Variants in INPP5A observed in about 807,000 individuals in gnomAD.
The protein encoded by INPP5A is inositol polyphosphate-5-phosphatase A.
In INPP5A, 14 loss-of-function variants were observed where a neutral mutation model predicts 65.2. That is an observed-to-expected ratio of 0.21 (90% confidence interval 0.14 to 0.34). The LOEUF (loss-of-function observed/expected upper bound fraction) is 0.34. Among genes scored for constraint, INPP5A ranks in the 10% least tolerant of loss-of-function variants. The pLI, the probability that INPP5A is intolerant of heterozygous loss-of-function variation, is 1.00. For synonymous variants in INPP5A, 207 were observed against 208.3 expected, an observed-to-expected ratio of 0.99 and a Z score of 0.05; for missense variants, 431 against 545.6, an observed-to-expected ratio of 0.79 and a Z score of 2.09.
intron 8 of INPP5A, among the ~76,000 whole-genome samples, chr10:132,720,557 C>G (rs1241838280): frequency 7.1e-6 from 1 of 141,094 alleles, no homozygotes; most frequent in African/African-American, 2.7e-5. Context: ...CGACTGTCTT[C>G]AGGGTTCTGT....
In INPP5A at chr10:132,678,246, G is replaced by A. The variant is rs562750461; in HGVS notation, c.307-12146G>A. 3.6e-4 allele frequency among the ~76,000 whole-genome samples: 55 copies of A among 152,318 alleles called. 1 individual carries two copies. In the South Asian group the frequency reaches 0.011, roughly 29 times the overall value. The stretch of plus-strand genomic sequence containing the variant: ...GGGGGAAGTGGGCAGTAGTGAGGAC[G>A]CCGCCTTGTCCAGTTGGGTCAGCCG... On this transcript the variant is annotated intron_variant, in intron 4 of 15. Transcript: ENST00000368594. This position sits in a 1 kb window ranked among gnomAD's most constrained non-coding sequence, Gnocchi z 4.1.
chr10:132,552,607 T>C (rs550616907), intron 1 of INPP5A, among the ~76,000 whole-genome samples: 1 of 137,170 alleles, frequency 7.3e-6, no homozygotes, highest in Non-Finnish European at 1.6e-5. Flanking sequence ...CTTGGTGGCA[T>C]ATTGAGTGGG....
intron 1 of INPP5A, among the ~76,000 whole-genome samples, chr10:132,571,895 C>CT (rs1390008980): frequency 6.6e-6 from 1 of 152,204 alleles, no homozygotes; most frequent in Non-Finnish European, 1.5e-5. Flanking sequence ...GGCATCTGAG[C>CT]TTGTTAACGA....
At chr10:132,662,221 C>T (rs1436604975) in intron 4 of INPP5A, among the ~76,000 whole-genome samples, 1 of 152,182 alleles carries the variant, frequency 6.6e-6, no homozygotes, top group Non-Finnish European at 1.5e-5. Flanking sequence ...AAATGTAAAA[C>T]ATGCGAAAAC....
chr10:132,725,982 G>A (rs1013891039), intron 8 of INPP5A, among the ~76,000 whole-genome samples: 2 of 152,074 alleles, frequency 1.3e-5, no homozygotes, highest in African/African-American at 4.8e-5. Context: ...AGGGTTGAGT[G>A]CCTTGCCCTC....
chr10:132,610,268 G>A (rs1445953517), intron 2 of INPP5A, among the ~76,000 whole-genome samples: 1 of 152,176 alleles, frequency 6.6e-6, no homozygotes, highest in Non-Finnish European at 1.5e-5. Flanking sequence ...CTGTCCCCAC[G>A]CTCCAGCCCC....
At chr10:132,681,529 G>A (rs956976685) in intron 4 of INPP5A, among the ~76,000 whole-genome samples, 3 of 152,148 alleles carry the variant, frequency 2.0e-5, no homozygotes, top group African/African-American at 7.2e-5. Flanking sequence ...CACTCACCGC[G>A]AGGGTCCGCG....
intron 6 of INPP5A, among the ~76,000 whole-genome samples, chr10:132,701,028 A>G (rs1305903307): frequency 6.6e-6 from 1 of 152,216 alleles, no homozygotes. Flanking sequence ...GCCGGCTGCA[A>G]GCTCTCATGA....
chr10:132,562,698 C>T (rs114090541), intron 1 of INPP5A, among the ~76,000 whole-genome samples: 2,338 of 152,348 alleles, frequency 0.015, 22 homozygotes, highest in South Asian at 0.025. Context: ...TCAGAGCCCA[C>T]GGCACTGTGA....
At chr10:132,739,311 C>A (rs1159847206) in intron 9 of INPP5A, among the ~76,000 whole-genome samples, 5 of 152,250 alleles carry the variant, frequency 3.3e-5, no homozygotes, top group Non-Finnish European at 4.4e-5. Flanking sequence ...GCCTCCCGGC[C>A]TCACCACACA....
intron 2 of INPP5A, among the ~76,000 whole-genome samples, chr10:132,643,411 G>A (rs187579037): frequency 8.1e-4 from 124 of 152,260 alleles, no homozygotes; most frequent in African/African-American, 2.9e-3. Context: ...TGAGGTGGGA[G>A]ATCACTCGAG....
intron 11 of INPP5A, among the ~76,000 whole-genome samples, chr10:132,760,706 G>T (rs750853048): frequency 3.3e-5 from 5 of 152,170 alleles, no homozygotes; most frequent in Non-Finnish European, 7.3e-5. Context: ...TCCTCATGAC[G>T]CCCGGGCCCC....
intron 1 of INPP5A, among the ~76,000 whole-genome samples, chr10:132,569,558 A>G (rs377233962): frequency 4.1e-4 from 63 of 152,240 alleles, no homozygotes; most frequent in African/African-American, 1.5e-3. Context: ...GGGTCTCAGT[A>G]TGTTGCCCAG....
At chr10:132,739,135 G>C (rs1846229467) in intron 9 of INPP5A, among the ~76,000 whole-genome samples, 1 of 152,218 alleles carries the variant, frequency 6.6e-6, no homozygotes, top group African/African-American at 2.4e-5. Flanking sequence ...CAGCTCCTCA[G>C]ATTCCATCTG....
At chr10:132,703,505 CCACACA>C (rs111386654) in intron 6 of INPP5A, among the ~76,000 whole-genome samples, 19 of 139,612 alleles carry the variant, frequency 1.4e-4, no homozygotes, top group Non-Finnish European at 2.6e-4. Flanking sequence ...GTGTCTTCAC[CCACACA>C]CACACACACA....
At chr10:132,759,117 C>G (rs1438521863) in intron 11 of INPP5A, among the ~76,000 whole-genome samples, 1 of 152,232 alleles carries the variant, frequency 6.6e-6, no homozygotes, top group African/African-American at 2.4e-5. Flanking sequence ...GACTGAGGCC[C>G]TGAGTGTGCA....
At chr10:132,645,287 G>A (rs182222657) in intron 2 of INPP5A, among the ~76,000 whole-genome samples, 51 of 152,340 alleles carry the variant, frequency 3.3e-4, no homozygotes, top group African/African-American at 1.2e-3. Context: ...TAGTGGAAGT[G>A]GCCTTGCGTG....
intron 12 of INPP5A, 54 bp from the exon 13 acceptor site, chr10:132,777,617 G>A: frequency 6.5e-7 from 1 of 1,535,576 alleles, no homozygotes; most frequent in Non-Finnish European, 9.0e-7. Context: ...GTCCCTTTGG[G>A]GCTGAGGACG....
Position 132,547,517 on chromosome 10 carries a change from C to T in INPP5A, c.75+9346C>T, listed in dbSNP as rs1261148922. Among the ~76,000 whole-genome samples the T allele has an allele frequency of 1.3e-5, 2 of 152,118 alleles. No individual in the cohort carries two copies. The highest frequency in any genetic ancestry group is 6.5e-5 in the Admixed American group (1 of 15,270). On this transcript the variant is annotated intron_variant, in intron 1 of 15. Transcript: ENST00000368594. The surrounding 1 kb of genome is among the most constrained non-coding windows in gnomAD (Gnocchi z 5.5). ...GAATATAACCGGGAGGGAGTGCCCG[C>T]CTCTGCCCACCTGCCTGGCATCTGG... is the stretch of plus-strand genomic sequence containing the variant.
Sources: gnomAD v4.1 joint callset for allele counts (sites outside exome capture counted in the v4.1 genomes callset) on GRCh38, gnomAD v4.1.1 for gene constraint, Gnocchi (gnomAD v3.1) non-coding constraint, MANE v1.5 for transcripts, NCBI Gene and HGNC (gene_info 2026-07-23, HGNC 2026-07-21) for gene names.